Variants in FGF14 observed in about 807,000 individuals in gnomAD.
FGF14 encodes the protein fibroblast growth factor homologous factor 4.
Under a neutral mutation model 25.5 loss-of-function variants are expected in FGF14, and 5 were observed. The observed-to-expected ratio is 0.20, with a 90% CI of 0.10 to 0.41. The LOEUF is 0.41. Among genes scored for constraint, FGF14 ranks in the 10% least tolerant of loss-of-function variants. The probability of loss-of-function intolerance (pLI) is 1.00; values close to 1 mark genes in which losing one functional copy is unlikely to be tolerated. For synonymous variants in FGF14, 138 were observed against 118.3 expected (o/e 1.17, Z -1.08); for missense variants, 222 against 320.1 (o/e 0.69, Z 2.34).
At chr13:101,920,689 C>CA (rs376205654), upstream of FGF14, among the ~76,000 whole-genome samples, 76 of 152,200 alleles carry the variant, frequency 5.0e-4, 1 homozygote, top group Non-Finnish European at 8.8e-4. Context: ...ACCACCCCCC[C>CA]ACAGTGGATG....
chr13:101,746,327 G>A (rs184730674), intron 3 of FGF14, among the ~76,000 whole-genome samples: 78 of 152,080 alleles, frequency 5.1e-4, no homozygotes, highest in Non-Finnish European at 9.4e-4. Flanking sequence ...AAGGCATGTA[G>A]AGATGAAAAC....
chr13:102,392,347 G>T lies in FGF14; in HGVS notation c.208+9124C>A, dbSNP rs2058452065. 2.0e-5 allele frequency among the ~76,000 whole-genome samples: 3 copies of T among 152,240 alleles called. No homozygotes were observed. In the South Asian group the frequency reaches 6.2e-4, roughly 32 times the overall value. On this transcript the variant is annotated intron_variant, in intron 1 of 4. Transcript: ENST00000376131. ...GACTCCTCAAACTGAACAAAGTATT[G>T]TGTCCATAAAAACATCTGCTATTGA...
rs2034565826 is a variant in FGF14, at chr13:101,713,313, T to C, written c.*9518A>G. The C allele has an allele frequency of 6.6e-6, 1 of 152,222 alleles. No homozygotes were observed. Among genetic ancestry groups the C allele is most frequent in the Non-Finnish European group, 1.5e-5 (1 of 68,046 alleles). The allele number at this position is 152,222 out of a possible 1,614,324, so 9.4% of individuals were successfully genotyped here. A position where few individuals can be genotyped will look rare whatever the true frequency, so the allele number is the denominator to read the frequency against. On this transcript the variant is annotated 3_prime_UTR_variant, in exon 5 of 5. Transcript: ENST00000376143. ...TGTTAACTCATTTTTAATCACTGTG[T>C]TTTAAAAGAAGCACTAATGATTGAT...
intron 3 of FGF14, among the ~76,000 whole-genome samples, chr13:101,853,481 C>T (rs539817703): frequency 1.2e-4 from 19 of 152,088 alleles, no homozygotes; most frequent in African/African-American, 4.6e-4. Flanking sequence ...GAGACAGGGC[C>T]TTGCTATGTC....
intron 1 of FGF14, among the ~76,000 whole-genome samples, chr13:102,349,935 GA>G (rs1372825618): frequency 6.6e-6 from 1 of 152,148 alleles, no homozygotes; most frequent in Non-Finnish European, 1.5e-5. Context: ...ACTAAGGGGG[GA>G]AAATTATAAT....
intron 1 of FGF14, among the ~76,000 whole-genome samples, chr13:102,247,193 A>G (rs1339082698): frequency 6.6e-6 from 1 of 152,150 alleles, no homozygotes; most frequent in Non-Finnish European, 1.5e-5. Context: ...TTCATGATGA[A>G]GATGCCAAAA....
At chr13:102,026,976 C>T (rs958281055) in intron 1 of FGF14, among the ~76,000 whole-genome samples, 57 of 152,002 alleles carry the variant, frequency 3.7e-4, no homozygotes, top group South Asian at 1.2e-3. Flanking sequence ...TCTTTCTACC[C>T]ATTGTAGTAA....
chr13:101,948,370 T>C (rs74475710), intron 1 of FGF14, among the ~76,000 whole-genome samples: 16,820 of 151,884 alleles, frequency 0.11, 1,058 homozygotes, highest in East Asian at 0.2. Flanking sequence ...AAGAGGGAGA[T>C]AGAAGAGGGA....
chr13:101,812,208 C>T (rs2041549853), intron 3 of FGF14, among the ~76,000 whole-genome samples: 1 of 152,026 alleles, frequency 6.6e-6, no homozygotes, highest in South Asian at 2.1e-4. Flanking sequence ...AAAGATATTA[C>T]AGGATTGGAA....
chr13:102,110,901 T>C (rs1264598134), intron 1 of FGF14, among the ~76,000 whole-genome samples: 1 of 152,216 alleles, frequency 6.6e-6, no homozygotes, highest in Non-Finnish European at 1.5e-5. Context: ...TACCATTACC[T>C]GCTACTCTTG....
intron 3 of FGF14, among the ~76,000 whole-genome samples, chr13:101,856,563 T>A (rs1166887741): frequency 6.6e-6 from 1 of 151,982 alleles, no homozygotes; most frequent in African/African-American, 2.4e-5. Flanking sequence ...CAGAGTTGCA[T>A]AATTTTGTTA....
intron 3 of FGF14, among the ~76,000 whole-genome samples, chr13:101,801,024 G>C (rs1014073276): frequency 6.6e-6 from 1 of 152,162 alleles, no homozygotes; most frequent in African/African-American, 2.4e-5. Flanking sequence ...ATCAAAACTG[G>C]GTGCCCGCAA....
intron 1 of FGF14, among the ~76,000 whole-genome samples, chr13:102,006,870 G>A (rs1349427525): frequency 8.1e-5 from 12 of 147,702 alleles, no homozygotes; most frequent in African/African-American, 2.0e-4. Context: ...TCAGCCTCCC[G>A]AGTAGCTGGG....
At chr13:101,983,928 GT>G in intron 1 of FGF14, among the ~76,000 whole-genome samples, 1 of 152,272 alleles carries the variant, frequency 6.6e-6, no homozygotes, top group East Asian at 1.9e-4. Context: ...AGGCAACAGT[GT>G]TTCCTAATGA....
At chr13:101,967,715 G>A (rs1173765682) in intron 1 of FGF14, 1 of 154,290 alleles carries the variant, frequency 6.5e-6, no homozygotes, top group African/African-American at 2.4e-5. Context: ...GTCTCCTGGA[G>A]GTGGTAAAAC....
chr13:101,851,448 C>A (rs1304150861), intron 3 of FGF14, among the ~76,000 whole-genome samples: 1 of 152,062 alleles, frequency 6.6e-6, no homozygotes, highest in African/African-American at 2.4e-5. Context: ...GGTTACGCCA[C>A]CAGGTTTGCG....
rs2043455589 is a variant in FGF14 at position 102,078,299 on chromosome 13, A to C, written c.209-203003T>G. On this transcript the variant is annotated intron_variant, in intron 1 of 4. Transcript: ENST00000376131. ...TTTAAGAAGTTCTCACCACAAATATAAGTACACGAGGTGATGCAGATATTA... is the reference window on the plus strand; with the variant it reads ...TTTAAGAAGTTCTCACCACAAATATCAGTACACGAGGTGATGCAGATATTA... Among the ~76,000 whole-genome samples the C allele has an allele frequency of 5.9e-5, 9 of 152,232 alleles. No individual in the cohort carries two copies. In the South Asian group the frequency reaches 1.9e-3, roughly 31 times the overall value.
chr13:101,916,367 G>A (rs1009434003), intron 1 of FGF14, 86 bp downstream of exon 1: 4 of 1,527,646 alleles, frequency 2.6e-6, no homozygotes, highest in Admixed American at 1.7e-5. Context: ...CGGGAAAACC[G>A]AGGGAGGGAA....
At chr13:102,173,999 A>G (rs1456203933) in intron 1 of FGF14, among the ~76,000 whole-genome samples, 1 of 152,110 alleles carries the variant, frequency 6.6e-6, no homozygotes, top group African/African-American at 2.4e-5. Context: ...GAGAATGTCA[A>G]ATTATCTCTA....
Sources: gnomAD v4.1 joint callset for allele counts (sites outside exome capture counted in the v4.1 genomes callset) on GRCh38, gnomAD v4.1.1 for gene constraint, MANE v1.5 for transcripts, NCBI Gene and HGNC (gene_info 2026-07-23, HGNC 2026-07-21) for gene names.